ADGRL3: variants seen among roughly 807,000 people sequenced by gnomAD.
The protein encoded by ADGRL3 is calcium-independent alpha-latrotoxin receptor 3.
Under a neutral mutation model 153.5 loss-of-function variants are expected in ADGRL3, and 62 were observed. That is an observed-to-expected ratio of 0.40 (90% confidence interval 0.33 to 0.50). The LOEUF is 0.50. Among genes scored for constraint, ADGRL3 ranks in the 20% least tolerant of loss-of-function variants. The pLI is 0.47. For synonymous variants in ADGRL3, 710 were observed against 672.5 expected (o/e 1.06, Z -0.86); for missense variants, 1,641 against 1,859.4 (o/e 0.88, Z 2.16).
chr4:61,787,249 G>A (rs757147144), intron 8 of ADGRL3, among the ~76,000 whole-genome samples: 5 of 151,894 alleles, frequency 3.3e-5, no homozygotes, highest in Non-Finnish European at 5.9e-5. Flanking sequence ...AATTGCATAT[G>A]CTATCCAGAC....
intron 2 of ADGRL3, among the ~76,000 whole-genome samples, chr4:61,389,709 A>C (rs549393949): frequency 6.6e-6 from 1 of 152,302 alleles, no homozygotes; most frequent in Admixed American, 6.5e-5. Context: ...GGCAGGGTAA[A>C]AGCACATTAA....
At position 61,215,541 on chromosome 4, in the gene ADGRL3, ATTTTTTTTTTT is replaced by A. The variant is rs59691960; in HGVS notation, c.-240+13794_-240+13804del. ...AGCACATGCTGCCTTCTATTATGGA[ATTTTTTTTTTT>A]TTTTTTTTTTTTTTTTTGAGATGGA... On this transcript the variant is annotated intron_variant, in intron 1 of 26. Transcript: ENST00000683033. Among the ~76,000 whole-genome samples the A allele has an allele frequency of 2.7e-4, 20 of 73,664 alleles. No homozygotes were observed. In the Admixed American group the frequency reaches 2.9e-3, roughly 11 times the overall value. The allele number at this position is 73,664 out of a possible 152,430, so 48.3% of individuals were successfully genotyped here.
Position 61,725,239 on chromosome 4 carries a change from T to G in ADGRL3, c.584-5383T>G, listed in dbSNP as rs542382083. On this transcript the variant is annotated intron_variant, in intron 6 of 26. Coordinates refer to ENST00000683033, the MANE Select transcript of ADGRL3 (RefSeq NM_001387552.1). The stretch of plus-strand genomic sequence containing the variant: ...CTAAACAAAGCCTAGCTACCTAAAC[T>G]TATTAGCCATAGAGCCATGGTATTT... 3.8e-4 allele frequency among the ~76,000 whole-genome samples: 58 copies of G among 152,282 alleles called. No homozygotes were observed. In the Middle Eastern group the frequency reaches 0.014, roughly 36 times the overall value.
intron 8 of ADGRL3, among the ~76,000 whole-genome samples, chr4:61,801,146 G>T (rs1280699261): frequency 6.6e-6 from 1 of 152,112 alleles, no homozygotes; most frequent in African/African-American, 2.4e-5. Flanking sequence ...CTTCTGTAAA[G>T]ATAATCTACT....
chr4:61,530,451 A>C (rs185663956), intron 4 of ADGRL3, among the ~76,000 whole-genome samples: 1 of 152,070 alleles, frequency 6.6e-6, no homozygotes, highest in Admixed American at 6.5e-5. Flanking sequence ...TTAATGCAAG[A>C]GTACTTGTTT....
At chr4:61,996,661 A>T (rs1039132519) in intron 20 of ADGRL3, among the ~76,000 whole-genome samples, 3 of 152,218 alleles carry the variant, frequency 2.0e-5, no homozygotes, top group Non-Finnish European at 4.4e-5. Flanking sequence ...GATGACTCTA[A>T]GGTTGAAAAC....
At chr4:61,793,191 G>C (rs182161686) in intron 8 of ADGRL3, among the ~76,000 whole-genome samples, 1 of 152,034 alleles carries the variant, frequency 6.6e-6, no homozygotes, top group African/African-American at 2.4e-5. Context: ...TTGGGAGGCC[G>C]AGGCAGGTGG....
At chr4:61,815,701 T>C (rs940720965) in intron 9 of ADGRL3, among the ~76,000 whole-genome samples, 19 of 152,180 alleles carry the variant, frequency 1.2e-4, no homozygotes, top group African/African-American at 4.6e-4. Flanking sequence ...GGTGGACATT[T>C]AGGAGATGAT....
rs73218583 is a variant in ADGRL3 at position 61,475,789 on chromosome 4, A to G, written c.-173-21332A>G. Among the ~76,000 whole-genome samples the G allele has an allele frequency of 4.3e-3, 655 of 152,302 alleles. 4 individuals carry two copies. Among genetic ancestry groups the G allele is most frequent in the African/African-American group, 0.015 (618 of 41,582 alleles). On this transcript the variant is annotated intron_variant, in intron 2 of 26. Coordinates refer to ENST00000683033, the MANE Select transcript of ADGRL3 (RefSeq NM_001387552.1). Reference sequence around the variant, plus strand: ...CTAAATTATATTACTTCATAGATTTATAGGCTCTATGCATTTAGTGCTGAA... The same window carrying G: ...CTAAATTATATTACTTCATAGATTTGTAGGCTCTATGCATTTAGTGCTGAA...
In ADGRL3 at chr4:62,044,440, T is replaced by C. The variant is rs1730023375; in HGVS notation, c.3718-13T>C. On this transcript the variant is annotated splice_polypyrimidine_tract_variant and intron_variant, in intron 24 of 26. Coordinates refer to ENST00000683033, the MANE Select transcript of ADGRL3 (RefSeq NM_001387552.1). ...CATGAGTTCATTTTCTTTCTGCCTT[T>C]TCCCCCACCCAGAGCCGAATCCGTA... 7 of 1,565,114 alleles carry C rather than the reference T, an allele frequency of 4.5e-6. No individual in the cohort carries two copies. The highest frequency in any genetic ancestry group is 6.1e-6 in the Non-Finnish European group (7 of 1,150,360).
At chr4:61,646,987 T>C (rs1011515414) in intron 5 of ADGRL3, among the ~76,000 whole-genome samples, 11 of 152,154 alleles carry the variant, frequency 7.2e-5, no homozygotes, top group African/African-American at 2.4e-4. Flanking sequence ...GGTGCGCCGT[T>C]TTTTAAGCCG....
intron 2 of ADGRL3, among the ~76,000 whole-genome samples, chr4:61,458,321 T>C (rs1057509525): frequency 1.3e-4 from 20 of 151,540 alleles, no homozygotes; most frequent in African/African-American, 4.8e-4. Flanking sequence ...AAATGTCAGC[T>C]AAATGGGTTA....
intron 8 of ADGRL3, among the ~76,000 whole-genome samples, chr4:61,785,696 C>T (rs1413788782): frequency 1.3e-5 from 2 of 152,180 alleles, no homozygotes; most frequent in Non-Finnish European, 1.5e-5. Flanking sequence ...CTCATCAATG[C>T]AGTGCTATTT....
intron 19 of ADGRL3, among the ~76,000 whole-genome samples, chr4:61,986,751 CAT>C (rs1277336805): frequency 1.3e-5 from 2 of 152,298 alleles, no homozygotes; most frequent in East Asian, 1.9e-4. Flanking sequence ...GGGCATAACA[CAT>C]GTTAGTGTCT....
At chr4:61,216,727 C>T (rs1417516432) in intron 1 of ADGRL3, among the ~76,000 whole-genome samples, 2 of 152,030 alleles carry the variant, frequency 1.3e-5, no homozygotes, top group Non-Finnish European at 2.9e-5. Context: ...GCAAAGGAGT[C>T]GTAAAAGCAT....
At chr4:61,882,210 GT>G in intron 9 of ADGRL3, among the ~76,000 whole-genome samples, 1 of 152,140 alleles carries the variant, frequency 6.6e-6, no homozygotes, top group East Asian at 1.9e-4. Flanking sequence ...AGAAGAATTT[GT>G]ATAAGAAGGA....
At chr4:61,463,526 G>A (rs1412464381) in intron 2 of ADGRL3, among the ~76,000 whole-genome samples, 1 of 152,120 alleles carries the variant, frequency 6.6e-6, no homozygotes, top group Admixed American at 6.6e-5. Flanking sequence ...CCTACCATCA[G>A]TCCCTCCCCC....
chr4:61,908,900 T>G (rs866841637), intron 11 of ADGRL3, among the ~76,000 whole-genome samples: 1 of 152,130 alleles, frequency 6.6e-6, no homozygotes, highest in Non-Finnish European at 1.5e-5. Context: ...AGGTATTAGG[T>G]CTTTATCTGT....
intron 9 of ADGRL3, among the ~76,000 whole-genome samples, chr4:61,856,489 C>G (rs2098266098): frequency 6.9e-6 from 1 of 145,002 alleles, no homozygotes. Context: ...TTATTTTCTC[C>G]CTCACCTCCC....
Sources: allele counts gnomAD v4.1 joint callset (sites outside exome capture counted in the v4.1 genomes callset), GRCh38; gene constraint gnomAD v4.1.1; transcripts MANE v1.5; gene names NCBI Gene and HGNC (gene_info 2026-07-23, HGNC 2026-07-21).